The following XPO4 variants were observed in gnomAD, a reference collection of about 807,000 sequenced individuals.
The protein encoded by XPO4 is exportin 4.
Under a neutral mutation model 143.0 loss-of-function variants are expected in XPO4, and 39 were observed. That is an observed-to-expected ratio of 0.27 (90% CI 0.21 to 0.36). The LOEUF (loss-of-function observed/expected upper bound fraction) is 0.36. XPO4 is among the 10% of genes least tolerant of loss of function. The pLI, the probability that XPO4 is intolerant of heterozygous loss-of-function variation, is 1.00. For synonymous variants in XPO4, 439 were observed against 474.0 expected (o/e 0.93, Z 0.96); for missense variants, 907 against 1,348.0 (o/e 0.67, Z 5.12).
At chr13:20,892,660 A>G (rs942355218) in intron 1 of XPO4, among the ~76,000 whole-genome samples, 1 of 152,176 alleles carries the variant, frequency 6.6e-6, no homozygotes, top group Admixed American at 6.5e-5. Context: ...ATAAGGTGTT[A>G]TAAAAGAACT....
intron 4 of XPO4, among the ~76,000 whole-genome samples, chr13:20,844,429 T>C (rs2060009862): frequency 6.6e-6 from 1 of 152,144 alleles, no homozygotes; most frequent in East Asian, 1.9e-4. Context: ...AAAATGAAGA[T>C]TTTTCTTCTC....
chr13:20,873,875 A>C (rs1304848990), intron 1 of XPO4, among the ~76,000 whole-genome samples: 1 of 152,208 alleles, frequency 6.6e-6, no homozygotes, highest in East Asian at 1.9e-4. Context: ...ACTACTATTA[A>C]CAACAACATC....
intron 9 of XPO4, among the ~76,000 whole-genome samples, chr13:20,813,473 G>A (rs1411539089): frequency 1.3e-5 from 2 of 152,172 alleles, no homozygotes; most frequent in Non-Finnish European, 2.9e-5. Flanking sequence ...ACTTGGGAAA[G>A]CAAATTAAGA....
At chr13:20,834,313 A>T (rs913854483) in intron 6 of XPO4, among the ~76,000 whole-genome samples, 7 of 152,194 alleles carry the variant, frequency 4.6e-5, no homozygotes, top group African/African-American at 7.2e-5. Flanking sequence ...AATCATTTGT[A>T]TTTTTCTCTA....
At chr13:20,850,903 T>C in intron 4 of XPO4, 1 of 985,428 alleles carries the variant, frequency 1.0e-6, no homozygotes, top group Non-Finnish European at 1.2e-6. Context: ...ATTAGTTATC[T>C]AATTTAATGG....
At chr13:20,810,410 G>C (rs1224180564) in intron 9 of XPO4, among the ~76,000 whole-genome samples, 1 of 152,072 alleles carries the variant, frequency 6.6e-6, no homozygotes, top group African/African-American at 2.4e-5. Context: ...AAAAAGAACA[G>C]CAAATTCCAT....
rs116258978 is a variant in XPO4, at chr13:20,813,139, T to C, written c.1174-3172A>G. Among the ~76,000 whole-genome samples, 371 of 152,156 alleles carry C rather than the reference T, an allele frequency of 2.4e-3. 3 individuals carry two copies. The highest frequency in any genetic ancestry group is 8.6e-3 in the African/African-American group (355 of 41,506). ...CAGTGAGGAGATAACTGCCACACAA[T>C]GTCACGAGAACAGCATGCGGGAAAC... On this transcript the variant is annotated intron_variant, in intron 9 of 22. Transcript: ENST00000255305.
intron 9 of XPO4, among the ~76,000 whole-genome samples, chr13:20,816,298 G>A (rs1477282879): frequency 4.6e-5 from 7 of 151,972 alleles, no homozygotes; most frequent in South Asian, 2.1e-4. Context: ...CTTTCCTAGC[G>A]AAGTATCATT....
intron 9 of XPO4, among the ~76,000 whole-genome samples, chr13:20,817,498 C>T (rs28609258): frequency 6.6e-6 from 1 of 152,096 alleles, no homozygotes; most frequent in Non-Finnish European, 1.5e-5. Flanking sequence ...ATGTAAGGTT[C>T]TTCCTTTATA....
chr13:20,892,473 T>C (rs1312434080), intron 1 of XPO4, among the ~76,000 whole-genome samples: 2 of 152,182 alleles, frequency 1.3e-5, no homozygotes, highest in East Asian at 3.9e-4. Context: ...TAGTCTCATT[T>C]CACACTACTC....
At chr13:20,790,394 C>A in intron 19 of XPO4, 68 bp downstream of exon 19, 1 of 1,204,846 alleles carries the variant, frequency 8.3e-7, no homozygotes. Context: ...CAGATATATT[C>A]TTGTCTAAAG....
At chr13:20,894,811 T>G (rs2060551913) in intron 1 of XPO4, among the ~76,000 whole-genome samples, 1 of 146,100 alleles carries the variant, frequency 6.8e-6, no homozygotes, top group African/African-American at 2.6e-5. Flanking sequence ...GCCATTGCAC[T>G]CCAGCCTGGG....
At chr13:20,869,485 G>T (rs1428090629) in intron 1 of XPO4, 1 of 966,340 alleles carries the variant, frequency 1.0e-6, no homozygotes, top group Non-Finnish European at 1.2e-6. Flanking sequence ...GTAGATGGCA[G>T]GAAAATAAAC....
At chr13:20,872,168 G>T (rs2060305095) in intron 1 of XPO4, among the ~76,000 whole-genome samples, 1 of 152,024 alleles carries the variant, frequency 6.6e-6, no homozygotes, top group Non-Finnish European at 1.5e-5. Flanking sequence ...TTCCCTCAAA[G>T]TTCCCCAAGT....
At chr13:20,845,472 C>T (rs538024210) in intron 4 of XPO4, among the ~76,000 whole-genome samples, 1 of 152,240 alleles carries the variant, frequency 6.6e-6, no homozygotes, top group African/African-American at 2.4e-5. Context: ...TCCCTTCCTC[C>T]CAAAATCTTC....
chr13:20,882,233 TA>T (rs1431776648), intron 1 of XPO4, among the ~76,000 whole-genome samples: 1 of 151,780 alleles, frequency 6.6e-6, no homozygotes, highest in Non-Finnish European at 1.5e-5. Flanking sequence ...CACATTACTA[TA>T]AAGGAATACT....
intron 4 of XPO4, chr13:20,853,093 A>C: frequency 1.0e-6 from 1 of 968,620 alleles, no homozygotes; most frequent in African/African-American, 1.8e-5. Context: ...GCATTTTGGA[A>C]GGCTGAGGCA....
intron 4 of XPO4, chr13:20,851,382 T>C: frequency 1.0e-6 from 1 of 985,394 alleles, no homozygotes; most frequent in Non-Finnish European, 1.2e-6. Flanking sequence ...AGTATACTGA[T>C]TTCCTACTAT....
rs35518636 is a variant in XPO4, at chr13:20,787,568, C to T, written c.3078G>A (p.Leu1026=). 7.2e-3 allele frequency: 11,610 copies of T among 1,614,160 alleles called. 714 individuals are homozygous for T. The African/African-American group carries it at 0.13, about 19-fold the overall frequency. The part of the protein sequence containing the change: ...SMSSEVCQLC[L]EALTPLAEQC... ...GTTCAGCTAACGGTGTCAAGGCCTC[C>T]AGGCAAAGCTGGCAAACCTCCGAAC... The change falls in exon 21 of 23, where the codon CTG becomes CTA. Residue 1026 remains leucine (L), a synonymous_variant. Coordinates refer to ENST00000255305, the MANE Select transcript of XPO4 (RefSeq NM_022459.5).
Sources: allele counts gnomAD v4.1 joint callset (sites outside exome capture counted in the v4.1 genomes callset), GRCh38; gene constraint gnomAD v4.1.1; transcripts MANE v1.5; gene names NCBI Gene and HGNC (gene_info 2026-07-23, HGNC 2026-07-21).